The following SUPT3H variants were observed in gnomAD, a reference collection of about 807,000 sequenced individuals.
SUPT3H encodes the protein transcription initiation protein SPT3 homolog.
A neutral mutation model predicts 44.3 loss-of-function variants in SUPT3H; 44 were observed. The ratio of observed to expected loss-of-function variants is 0.99; its 90% CI spans 0.78 to 1.28. SUPT3H has a LOEUF of 1.28. Among genes scored for constraint, SUPT3H ranks in the 50% most tolerant of loss-of-function variants. The pLI is 0.00. For missense variants in SUPT3H, 380 were observed against 387.1 expected, an observed-to-expected ratio of 0.98 and a Z score of 0.15; for synonymous variants, 124 against 125.6, an observed-to-expected ratio of 0.99 and a Z score of 0.09.
chr6:45,236,779 G>A (rs1025932840), intron 2 of SUPT3H, among the ~76,000 whole-genome samples: 1 of 151,688 alleles, frequency 6.6e-6, no homozygotes, highest in Non-Finnish European at 1.5e-5. Context: ...AGCTACATTT[G>A]AGCCTTTTCC....
intron 2 of SUPT3H, among the ~76,000 whole-genome samples, chr6:45,155,237 T>C (rs539270322): frequency 5.9e-5 from 9 of 152,296 alleles, no homozygotes; most frequent in Non-Finnish European, 1.0e-4. Context: ...GTAACGAAGT[T>C]CAAAGCTCTT....
intron 3 of SUPT3H, among the ~76,000 whole-genome samples, chr6:45,082,628 C>T (rs1222748011): frequency 6.6e-6 from 1 of 151,962 alleles, no homozygotes. Flanking sequence ...AGAAACTAGG[C>T]ATCAAAGGAC....
At chr6:45,340,081 T>C (rs1789437834) in intron 2 of SUPT3H, among the ~76,000 whole-genome samples, 2 of 152,150 alleles carry the variant, frequency 1.3e-5, no homozygotes, top group Admixed American at 6.6e-5. Flanking sequence ...CACTTTACAG[T>C]GTTATACATG....
At chr6:44,970,044 T>C (rs1020312986) in intron 6 of SUPT3H, among the ~76,000 whole-genome samples, 1 of 152,190 alleles carries the variant, frequency 6.6e-6, no homozygotes, top group African/African-American at 2.4e-5. Flanking sequence ...ATAATAGAGT[T>C]GTTTCAAAAT....
At chr6:45,209,456 G>C (rs1338222600) in intron 2 of SUPT3H, among the ~76,000 whole-genome samples, 1 of 152,158 alleles carries the variant, frequency 6.6e-6, no homozygotes, top group Non-Finnish European at 1.5e-5. Flanking sequence ...ATAACTTTTA[G>C]GGATTCAAAA....
intron 1 of SUPT3H, chr6:45,377,461 C>T (rs769154877): frequency 2.0e-5 from 3 of 152,320 alleles, no homozygotes; most frequent in Non-Finnish European, 4.4e-5. Flanking sequence ...ACCCGCGCAC[C>T]CCGCTTCTCA....
chr6:45,245,918 A>AT (rs1232951778), intron 2 of SUPT3H, among the ~76,000 whole-genome samples: 7 of 152,090 alleles, frequency 4.6e-5, no homozygotes, highest in African/African-American at 1.7e-4. Flanking sequence ...AAGTGTTCTA[A>AT]TTTGTCCATA....
chr6:45,339,454 A>C (rs1345991901), intron 2 of SUPT3H, among the ~76,000 whole-genome samples: 1 of 152,190 alleles, frequency 6.6e-6, no homozygotes, highest in African/African-American at 2.4e-5. Flanking sequence ...TGTGTCCCCA[A>C]TAAACATTTG....
intron 2 of SUPT3H, among the ~76,000 whole-genome samples, chr6:45,315,911 G>A (rs1002139669): frequency 2.9e-5 from 4 of 138,702 alleles, no homozygotes; most frequent in African/African-American, 1.1e-4. Context: ...GGATAAAGAA[G>A]CTCAGATAGA....
At chr6:45,282,672 T>C (rs1434348463) in intron 2 of SUPT3H, among the ~76,000 whole-genome samples, 5 of 152,126 alleles carry the variant, frequency 3.3e-5, no homozygotes, top group Non-Finnish European at 4.4e-5. Flanking sequence ...CAGGATATTA[T>C]CCAGAAGAAC....
chr6:44,932,475 C>T (rs1770734038), intron 10 of SUPT3H, among the ~76,000 whole-genome samples, 178 bp downstream of exon 10: 1 of 152,078 alleles, frequency 6.6e-6, no homozygotes, highest in Admixed American at 6.6e-5. Context: ...AAGTGTCCTT[C>T]CAAAAAGAGA....
chr6:45,184,980 C>G (rs907092481), intron 2 of SUPT3H, among the ~76,000 whole-genome samples: 7 of 152,130 alleles, frequency 4.6e-5, no homozygotes, highest in Admixed American at 2.6e-4. Flanking sequence ...CTAACCTATT[C>G]CGTCCTTGCA....
chr6:45,342,927 G>A (rs1790110438), intron 2 of SUPT3H, among the ~76,000 whole-genome samples: 1 of 152,078 alleles, frequency 6.6e-6, no homozygotes, highest in Admixed American at 6.6e-5. Context: ...GGACAGCAGG[G>A]GTTTTGGTGT....
chr6:45,174,765 T>C lies in SUPT3H; in HGVS notation c.102-68759A>G, dbSNP rs184632348. ...ATATTCTCCAAAAGTTTTGCACATATATATACAGAAATTCTGTTAGACTAA... is the reference window on the plus strand; with the variant it reads ...ATATTCTCCAAAAGTTTTGCACATACATATACAGAAATTCTGTTAGACTAA... On this transcript the variant is annotated intron_variant, in intron 2 of 10. Coordinates refer to ENST00000371459, the MANE Select transcript of SUPT3H (RefSeq NM_003599.4). 1.8e-4 allele frequency among the ~76,000 whole-genome samples: 27 copies of C among 152,208 alleles called. No individual in the cohort carries two copies. The East Asian group carries it at 5.0e-3, about 28-fold the overall frequency.
At chr6:44,999,160 A>G (rs1445883423) in intron 6 of SUPT3H, among the ~76,000 whole-genome samples, 1 of 151,904 alleles carries the variant, frequency 6.6e-6, no homozygotes, top group Non-Finnish European at 1.5e-5. Flanking sequence ...GAGTTTGTTG[A>G]CTGTATGTGT....
At chr6:44,831,906 TA>T in intron 10 of SUPT3H, among the ~76,000 whole-genome samples, 1 of 152,168 alleles carries the variant, frequency 6.6e-6, no homozygotes, top group East Asian at 1.9e-4. Context: ...GATTTTTTTT[TA>T]ATAACTTATT....
intron 3 of SUPT3H, among the ~76,000 whole-genome samples, chr6:45,074,815 G>A (rs1005525577): frequency 5.3e-5 from 8 of 152,020 alleles, no homozygotes; most frequent in African/African-American, 1.9e-4. Context: ...TTAATCTTAT[G>A]TATACAAATA....
intron 3 of SUPT3H, among the ~76,000 whole-genome samples, chr6:45,037,300 T>C (rs1419382810): frequency 2.7e-5 from 4 of 149,650 alleles, no homozygotes; most frequent in African/African-American, 7.4e-5. Flanking sequence ...AAAGAAAAGA[T>C]GCAGAAAAAA....
chr6:45,143,776 T>C (rs553777639), intron 2 of SUPT3H, among the ~76,000 whole-genome samples: 1 of 151,884 alleles, frequency 6.6e-6, no homozygotes, highest in African/African-American at 2.4e-5. Flanking sequence ...TTTGAAAAGA[T>C]AAACAAAATA....
Sources: gnomAD v4.1 joint callset for allele counts (sites outside exome capture counted in the v4.1 genomes callset) on GRCh38, gnomAD v4.1.1 for gene constraint, MANE v1.5 for transcripts, NCBI Gene and HGNC (gene_info 2026-07-23, HGNC 2026-07-21) for gene names.